The following FBXL7 variants were observed in gnomAD, a reference collection of about 807,000 sequenced individuals.
The protein encoded by FBXL7 is F-box/LRR-repeat protein 7.
In FBXL7, 12 loss-of-function variants were observed where a neutral mutation model predicts 38.3. The observed-to-expected ratio is 0.31, with a 90% CI of 0.20 to 0.51. The LOEUF is 0.51. Among genes scored for constraint, FBXL7 ranks in the 20% least tolerant of loss-of-function variants. The pLI, the probability that FBXL7 is intolerant of heterozygous loss-of-function variation, is 0.98. For missense variants in FBXL7, 567 were observed against 676.4 expected (o/e 0.84, Z 1.79); for synonymous variants, 297 against 300.9 (o/e 0.99, Z 0.13).
At chr5:15,520,277 C>T (rs1737062115) in intron 1 of FBXL7, among the ~76,000 whole-genome samples, 1 of 152,156 alleles carries the variant, frequency 6.6e-6, no homozygotes, top group Non-Finnish European at 1.5e-5. Context: ...ATGCCTTAAC[C>T]ATCTGGGAAT....
chr5:15,838,925 T>C (rs1300727714), intron 2 of FBXL7, among the ~76,000 whole-genome samples: 1 of 152,216 alleles, frequency 6.6e-6, no homozygotes, highest in African/African-American at 2.4e-5. Context: ...TATGGCTCTA[T>C]CTATAGATGT....
chr5:15,675,913 G>C (rs1742640396), intron 2 of FBXL7, among the ~76,000 whole-genome samples: 1 of 152,150 alleles, frequency 6.6e-6, no homozygotes, highest in Non-Finnish European at 1.5e-5. Context: ...ATGAAGTCTG[G>C]AAGTGGCATC....
chr5:15,502,974 T>A (rs552773885), intron 1 of FBXL7, among the ~76,000 whole-genome samples: 1 of 152,190 alleles, frequency 6.6e-6, no homozygotes, highest in Non-Finnish European at 1.5e-5. Flanking sequence ...AAATTATCCA[T>A]GAGTGCATAA....
chr5:15,718,627 G>A (rs1744110402), intron 2 of FBXL7, among the ~76,000 whole-genome samples: 1 of 152,142 alleles, frequency 6.6e-6, no homozygotes, highest in South Asian at 2.1e-4. Context: ...CCCAACTTGG[G>A]AGTTATTGCT....
At chr5:15,588,384 AT>A (rs369831084) in intron 1 of FBXL7, among the ~76,000 whole-genome samples, 2,445 of 137,628 alleles carry the variant, frequency 0.018, 29 homozygotes, top group African/African-American at 0.029. Context: ...CTATGTTGTA[AT>A]TTTTTTTTTT....
At chr5:15,838,126 G>C (rs565802716) in intron 2 of FBXL7, among the ~76,000 whole-genome samples, 20 of 152,266 alleles carry the variant, frequency 1.3e-4, no homozygotes, top group Non-Finnish European at 2.2e-4. Context: ...CCAAGTGGGA[G>C]ATGTGGATGG....
chr5:15,834,789 G>A (rs1738552046), intron 2 of FBXL7, among the ~76,000 whole-genome samples: 1 of 152,068 alleles, frequency 6.6e-6, no homozygotes, highest in African/African-American at 2.4e-5. Context: ...TGCCTGTTTT[G>A]TAGCCTTGAG....
intron 2 of FBXL7, among the ~76,000 whole-genome samples, chr5:15,767,452 A>G (rs184778765): frequency 3.3e-5 from 5 of 152,272 alleles, no homozygotes; most frequent in Admixed American, 3.3e-4. Flanking sequence ...GAGGAAGGCT[A>G]CAGCTCGGTG....
chr5:15,690,516 T>A (rs180939911), intron 2 of FBXL7, among the ~76,000 whole-genome samples: 1 of 152,328 alleles, frequency 6.6e-6, no homozygotes. Flanking sequence ...TCGCCTCAAA[T>A]ATTTATCATT....
rs1472681561 is a variant in FBXL7, at chr5:15,521,184, C to G, written c.37+20471C>G. ...AAAAGGGAGTCAGAAGCAGTTCTTC[C>G]CTCCAAGAGTTGTCGGGGGGTGAAA... On this transcript the variant is annotated intron_variant, in intron 1 of 3. Transcript: ENST00000504595. Among the ~76,000 whole-genome samples, 6 of 152,228 alleles carry G rather than the reference C, an allele frequency of 3.9e-5. No individual in the cohort carries two copies. In the East Asian group the frequency reaches 9.6e-4, roughly 24 times the overall value.
At chr5:15,599,268 T>G (rs1372682380) in intron 1 of FBXL7, among the ~76,000 whole-genome samples, 1 of 152,082 alleles carries the variant, frequency 6.6e-6, no homozygotes, top group Non-Finnish European at 1.5e-5. Context: ...CAAGTTCAAG[T>G]CACACCCCAA....
At chr5:15,595,359 G>T (rs539732035) in intron 1 of FBXL7, among the ~76,000 whole-genome samples, 2 of 152,258 alleles carry the variant, frequency 1.3e-5, no homozygotes, top group South Asian at 4.1e-4. Context: ...TGGAACAGGG[G>T]TATGAAGCAG....
intron 2 of FBXL7, among the ~76,000 whole-genome samples, chr5:15,707,174 GTTTTTT>G (rs71603796): frequency 1.5e-3 from 105 of 70,408 alleles, no homozygotes; most frequent in East Asian, 3.9e-3. Flanking sequence ...TTTTCTTTTC[GTTTTTT>G]TTTTTTTTTT....
At chr5:15,655,907 A>G (rs1259523578) in intron 2 of FBXL7, among the ~76,000 whole-genome samples, 1 of 152,256 alleles carries the variant, frequency 6.6e-6, no homozygotes, top group Non-Finnish European at 1.5e-5. Flanking sequence ...GGAGTGCTCT[A>G]GTCCTTACAA....
chr5:15,511,716 CATT>C (rs1736802566), intron 1 of FBXL7, among the ~76,000 whole-genome samples: 1 of 152,150 alleles, frequency 6.6e-6, no homozygotes, highest in Non-Finnish European at 1.5e-5. Flanking sequence ...GGGCATCTAT[CATT>C]ATCATTAGTT....
At chr5:15,556,541 T>C (rs1738244555) in intron 1 of FBXL7, among the ~76,000 whole-genome samples, 1 of 152,130 alleles carries the variant, frequency 6.6e-6, no homozygotes, top group Admixed American at 6.5e-5. Flanking sequence ...AAGTTGACCA[T>C]AGAATTAACC....
At chr5:15,672,136 C>T (rs926214263) in intron 2 of FBXL7, among the ~76,000 whole-genome samples, 12 of 152,052 alleles carry the variant, frequency 7.9e-5, no homozygotes, top group Non-Finnish European at 2.9e-5. Flanking sequence ...ATTTTGCCTG[C>T]CTTTTAGGGA....
chr5:15,508,440 T>C (rs1736704415), intron 1 of FBXL7, among the ~76,000 whole-genome samples: 1 of 152,228 alleles, frequency 6.6e-6, no homozygotes, highest in African/African-American at 2.4e-5. Flanking sequence ...CAAGAAGTTA[T>C]ATTTGGCTCA....
intron 1 of FBXL7, among the ~76,000 whole-genome samples, chr5:15,581,821 G>A (rs971305584): frequency 6.6e-6 from 1 of 152,070 alleles, no homozygotes; most frequent in African/African-American, 2.4e-5. Flanking sequence ...ATGGATGAGA[G>A]GTGGGAAAGC....
Sources: gnomAD v4.1 joint callset for allele counts (sites outside exome capture counted in the v4.1 genomes callset) on GRCh38, gnomAD v4.1.1 for gene constraint, MANE v1.5 for transcripts, NCBI Gene and HGNC (gene_info 2026-07-23, HGNC 2026-07-21) for gene names.